CFAP99: variants seen among roughly 807,000 people sequenced by gnomAD.
CFAP99 encodes cilia- and flagella-associated protein 99.
A neutral mutation model predicts 82.7 loss-of-function variants in CFAP99; 84 were observed. That is an observed-to-expected ratio of 1.02 (90% CI 0.85 to 1.22). The LOEUF (loss-of-function observed/expected upper bound fraction) is 1.22. Among genes scored for constraint, CFAP99 ranks in the 50% most tolerant of loss-of-function variants. The pLI is 0.00. For synonymous variants in CFAP99, 456 were observed against 429.5 expected, an observed-to-expected ratio of 1.06 and a Z score of -0.76; for missense variants, 1,059 against 983.5, an observed-to-expected ratio of 1.08 and a Z score of -1.03.
chr4:2,440,446 G>T (rs1291512778), intron 4 of CFAP99, among the ~76,000 whole-genome samples: 1 of 132,696 alleles, frequency 7.5e-6, no homozygotes, highest in Non-Finnish European at 1.7e-5. Context: ...GCGCCCGGCC[G>T]ACATTCTTAA....
rs146154713 is a variant in CFAP99, at chr4:2,446,368, GTTA to G, written c.642+1099_642+1101del. ...CTTTTTATTTCATTTTATTATTGTT[GTTA>G]TTATTATTATTATTATTATTATTAT... On this transcript the variant is annotated intron_variant, in intron 6 of 14. Coordinates refer to ENST00000635017, the Ensembl canonical transcript of CFAP99. This position sits in a 1 kb window ranked among gnomAD's most constrained non-coding sequence, Gnocchi z 5.0. 0.067 allele frequency among the ~76,000 whole-genome samples: 9,899 copies of G among 148,232 alleles called. 419 individuals are homozygous for G. Among genetic ancestry groups the G allele is most frequent in the Non-Finnish European group, 0.087 (5,855 of 67,226 alleles).
chr4:2,452,796 C>T (rs1429076230), intron 11 of CFAP99, among the ~76,000 whole-genome samples: 3 of 152,174 alleles, frequency 2.0e-5, no homozygotes, highest in African/African-American at 4.8e-5. Flanking sequence ...GGCATGGTGG[C>T]TCACACCTAT....
intron 11 of CFAP99, among the ~76,000 whole-genome samples, chr4:2,453,853 G>A (rs1462471170): frequency 3.4e-5 from 5 of 147,918 alleles, no homozygotes; most frequent in Admixed American, 6.9e-5. Context: ...TTGCTCTGTC[G>A]CCCAGGCTGG....
Position 2,462,796 on chromosome 4 carries a change from TC to T in CFAP99, c.2019del (p.Gly674AlafsTer6). 1.5e-6 allele frequency: 2 copies of T among 1,299,540 alleles called. No individual in the cohort carries two copies. The highest frequency in any genetic ancestry group is 2.2e-5 in the South Asian group (1 of 44,986). 80.5% of individuals were successfully genotyped at this position (1,299,540 alleles called of 1,614,324 possible). On this transcript the variant is annotated frameshift_variant, in exon 15 of 15. Transcript: ENST00000635017. LOFTEE classifies it low-confidence loss of function (END_TRUNC). The surrounding 1 kb of genome is among the most constrained non-coding windows in gnomAD (Gnocchi z 4.1). Reference sequence around the variant, plus strand: ...GGCGTCCCTGCCCGCGCCGACGCGTTCCCCGGCCTGCAGGCGCAGCTAGAGG... The same window carrying T: ...GGCGTCCCTGCCCGCGCCGACGCGTTCCCGGCCTGCAGGCGCAGCTAGAGG...
chr4:2,441,022 C>T (rs946356607), intron 4 of CFAP99, among the ~76,000 whole-genome samples: 4 of 151,484 alleles, frequency 2.6e-5, no homozygotes, highest in Non-Finnish European at 5.9e-5. Flanking sequence ...TGTGCCACTG[C>T]ACTCCAGCCT....
chr4:2,438,030 G>A (rs1334931455), intron 3 of CFAP99, 40 bp from the exon 4 acceptor site: 10 of 1,096,352 alleles, frequency 9.1e-6, no homozygotes, highest in African/African-American at 7.7e-5. Context: ...CTGGTGCCCC[G>A]TGACGTCCCT....
Position 2,462,385 on chromosome 4 carries a change from T to A in CFAP99, c.1662-58T>A. ...CGTCGCTTGGACACGGGTGGCATCCTGGGTCTGGCCTGGGCCTCCCGCCGG... is the reference window on the plus strand; with the variant it reads ...CGTCGCTTGGACACGGGTGGCATCCAGGGTCTGGCCTGGGCCTCCCGCCGG... On this transcript the variant is annotated intron_variant, in intron 14 of 14. Transcript: ENST00000635017. This position sits in a 1 kb window ranked among gnomAD's most constrained non-coding sequence, Gnocchi z 4.1. 7.3e-7 allele frequency: 1 copy of A among 1,370,270 alleles called. No individual in the cohort carries two copies. 84.9% of individuals were successfully genotyped at this position (1,370,270 alleles called of 1,614,324 possible). A position where few individuals can be genotyped will look rare whatever the true frequency, so the allele number is the denominator to read the frequency against.
chr4:2,419,577 ATG>A (rs969237952), intron 1 of CFAP99, among the ~76,000 whole-genome samples: 1 of 152,074 alleles, frequency 6.6e-6, no homozygotes, highest in Non-Finnish European at 1.5e-5. Context: ...AAACGTGCAG[ATG>A]TAAGACACAG....
intron 4 of CFAP99, among the ~76,000 whole-genome samples, chr4:2,441,703 T>C (rs1272027197): frequency 2.0e-5 from 3 of 152,260 alleles, no homozygotes; most frequent in Non-Finnish European, 2.9e-5. Flanking sequence ...CCACACCCCA[T>C]GCCCCGCTGG....
chr4:2,454,177 A>G (rs1186212802), intron 11 of CFAP99, among the ~76,000 whole-genome samples: 2 of 151,806 alleles, frequency 1.3e-5, no homozygotes, highest in Non-Finnish European at 2.9e-5. Flanking sequence ...CTTTTTTTGT[A>G]TTTGTAGTAG....
At chr4:2,447,637 A>ATGGG (rs200774881) in intron 6 of CFAP99, among the ~76,000 whole-genome samples, 4 of 146,784 alleles carry the variant, frequency 2.7e-5, no homozygotes, top group Non-Finnish European at 3.0e-5. Context: ...GAATGAATGG[A>ATGGG]TGGGTGGGTG....
rs572672599 is a variant in CFAP99, at chr4:2,451,377, C to T, written c.956+25C>T. On this transcript the variant is annotated intron_variant, in intron 10 of 14. Transcript: ENST00000635017. ...GGTGAAGGGCGGCAGGCCCCCCCAC[C>T]TGCCTTCCACGGCATCACCCTTGAG... The T allele has an allele frequency of 1.4e-4, 222 of 1,532,244 alleles. No individual in the cohort carries two copies. In the East Asian group the frequency reaches 5.0e-3, roughly 35 times the overall value. The allele number at this position is 1,532,244 out of a possible 1,614,324, so 94.9% of individuals were successfully genotyped here.
In CFAP99 at chr4:2,462,900, C is replaced by T. The variant is rs897253830; in HGVS notation, c.2119C>T (p.Pro707Ser). The T allele has an allele frequency of 1.5e-5, 20 of 1,322,018 alleles. No homozygotes were observed. The highest frequency in any genetic ancestry group is 1.9e-5 in the Non-Finnish European group (20 of 1,041,920). 81.9% of individuals were successfully genotyped at this position (1,322,018 alleles called of 1,614,324 possible). ...GCAGCAGGGAGGCTCAGGACCCGGG[C>T]CCGCGCGCCGCCTGGAGGCCGCCTG... The change falls in exon 15 of 15, where the codon CCC (proline) becomes TCC (serine). Residue 707 changes from proline (P) to serine (S), a missense_variant. Transcript: ENST00000635017. The surrounding 1 kb of genome is among the most constrained non-coding windows in gnomAD (Gnocchi z 4.1).
rs967282250 is a variant in CFAP99, at chr4:2,462,197, G to GAA, written c.1662-240_1662-239dup. On this transcript the variant is annotated intron_variant, in intron 14 of 14. Coordinates refer to ENST00000635017, the Ensembl canonical transcript of CFAP99. The surrounding 1 kb of genome is among the most constrained non-coding windows in gnomAD (Gnocchi z 4.1). Reference sequence around the variant, plus strand: ...CAACAACAACAAAAATTAAAGAAAAGAAAAAAAGAGCAAAAGGGTAGATAG... The same window carrying GAA: ...CAACAACAACAAAAATTAAAGAAAAGAAAAAAAAAGAGCAAAAGGGTAGATAG... The GAA allele has an allele frequency of 2.6e-6, 1 of 382,792 alleles. No homozygotes were observed. 23.7% of individuals were successfully genotyped at this position (382,792 alleles called of 1,614,324 possible).
chr4:2,431,584 G>A (rs954523461), intron 2 of CFAP99, among the ~76,000 whole-genome samples: 2 of 152,208 alleles, frequency 1.3e-5, no homozygotes, highest in East Asian at 1.9e-4. Context: ...ATTGGCTCTC[G>A]TGCTTTCAAT....
intron 4 of CFAP99, among the ~76,000 whole-genome samples, chr4:2,442,251 C>T (rs1472697950): frequency 1.3e-5 from 2 of 151,792 alleles, no homozygotes; most frequent in Non-Finnish European, 2.9e-5. Context: ...ATGGGGGTGG[C>T]CAGAAGGAAG....
At chr4:2,432,531 C>T (rs1024214580) in intron 2 of CFAP99, among the ~76,000 whole-genome samples, 17 of 152,190 alleles carry the variant, frequency 1.1e-4, no homozygotes, top group Admixed American at 1.1e-3. Context: ...TGACATGAAT[C>T]ACAAATCCTG....
intron 2 of CFAP99, 126 bp from the exon 3 acceptor site, chr4:2,436,748 C>A (rs1208547951): frequency 5.4e-6 from 4 of 740,314 alleles, no homozygotes; most frequent in Non-Finnish European, 8.8e-6. Context: ...CCTTGGGGGC[C>A]CCACTAACAG....
chr4:2,434,800 C>T (rs1242154647), intron 2 of CFAP99, among the ~76,000 whole-genome samples: 4 of 152,256 alleles, frequency 2.6e-5, no homozygotes, highest in Non-Finnish European at 4.4e-5. Context: ...TCCACAGAGG[C>T]AGAGCTGCTG....
Sources: gnomAD v4.1 joint callset for allele counts (sites outside exome capture counted in the v4.1 genomes callset) on GRCh38, gnomAD v4.1.1 for gene constraint, Gnocchi (gnomAD v3.1) non-coding constraint, MANE v1.5 for transcripts, NCBI Gene and HGNC (gene_info 2026-07-23, HGNC 2026-07-21) for gene names.